The following RUNX1 variants were observed in gnomAD, a reference collection of about 807,000 sequenced individuals.
RUNX1 encodes RUNX family transcription factor 1.
In RUNX1, 19 loss-of-function variants were observed where a neutral mutation model predicts 42.8. The observed-to-expected ratio is 0.44, with a 90% CI of 0.31 to 0.65. RUNX1 has a LOEUF of 0.65. Among genes scored for constraint, RUNX1 ranks in the 30% least tolerant of loss-of-function variants. The pLI is 0.07. For synonymous variants in RUNX1, 271 were observed against 289.4 expected (o/e 0.94, Z 0.64); for missense variants, 528 against 672.0 (o/e 0.79, Z 2.37).
chr21:34,955,043 C>T (rs1302541339), intron 2 of RUNX1, among the ~76,000 whole-genome samples: 3 of 152,092 alleles, frequency 2.0e-5, no homozygotes. Context: ...ACTTCTTCAG[C>T]CCCAGATTTT....
At chr21:34,917,364 C>G (rs952759138) in intron 2 of RUNX1, among the ~76,000 whole-genome samples, 5 of 152,158 alleles carry the variant, frequency 3.3e-5, no homozygotes, top group Admixed American at 3.3e-4. Flanking sequence ...GGCACAGATG[C>G]AGATGTCCAG....
At chr21:34,948,798 T>G (rs2058584903) in intron 2 of RUNX1, among the ~76,000 whole-genome samples, 1 of 151,950 alleles carries the variant, frequency 6.6e-6, no homozygotes, top group Non-Finnish European at 1.5e-5. Flanking sequence ...CAGGCTAGAG[T>G]GCAGTGGCGC....
chr21:34,865,532 TACTA>T (rs1222406121), intron 5 of RUNX1, among the ~76,000 whole-genome samples: 1 of 152,124 alleles, frequency 6.6e-6, no homozygotes, highest in Admixed American at 6.5e-5. Flanking sequence ...CAGGGCAAAA[TACTA>T]ACTGCTTTAT....
At chr21:35,027,465 T>C (rs2834738) in intron 2 of RUNX1, among the ~76,000 whole-genome samples, 44,788 of 152,138 alleles carry the variant, frequency 0.29, 7,182 homozygotes, top group Non-Finnish European at 0.37. Flanking sequence ...GACAGTCTGC[T>C]TTAGAGTAAA....
At chr21:34,859,420 C>T (rs2146233234) in intron 6 of RUNX1, 54 bp downstream of exon 6, 1 of 1,267,560 alleles carries the variant, frequency 7.9e-7, no homozygotes, top group South Asian at 1.2e-5. Flanking sequence ...AGTATACCAG[C>T]CTGGAGGGTG....
In RUNX1 at chr21:34,792,818, A is replaced by G. The variant is rs1338464018; in HGVS notation, c.968-208T>C. On this transcript the variant is annotated intron_variant, in intron 8 of 8. Transcript: ENST00000675419. This position sits in a 1 kb window ranked among gnomAD's most constrained non-coding sequence, Gnocchi z 6.9. The stretch of plus-strand genomic sequence containing the variant: ...TACCCAGGATGCTATACCCAGGGGG[A>G]CAGGGACCACCCAGGATGCCACCTC... 6.7e-6 allele frequency among the ~76,000 whole-genome samples: 1 copy of G among 150,178 alleles called. No homozygotes were observed. The highest frequency in any genetic ancestry group is 2.1e-4 in the South Asian group (1 of 4,750).
Position 34,968,857 on chromosome 21 carries a change from G to A in RUNX1, c.59-75894C>T, listed in dbSNP as rs375142384. The stretch of plus-strand genomic sequence containing the variant: ...TCTGAACTTTTCTGAACTCTGCAGC[G>A]AGTGCCAAATTCATGTATTTTAGGA... On this transcript the variant is annotated intron_variant, in intron 2 of 8. Coordinates refer to ENST00000675419, the MANE Select transcript of RUNX1 (RefSeq NM_001754.5). 6.6e-5 allele frequency among the ~76,000 whole-genome samples: 10 copies of A among 152,096 alleles called. No individual in the cohort carries two copies. In the East Asian group the frequency reaches 9.6e-4, roughly 15 times the overall value.
chr21:34,792,558 G>C lies in RUNX1; in HGVS notation c.1020C>G (p.Pro340=), dbSNP rs1601333675. The C allele has an allele frequency of 6.2e-7, 1 of 1,606,594 alleles. No homozygotes were observed. The highest frequency in any genetic ancestry group is 8.5e-7 in the Non-Finnish European group (1 of 1,176,810). ...FSDPRQFPAL[P]SISDPRMHYP... is the part of the protein sequence containing the mutation. ...AGTGCATGCGGGGGTCGGAGATGGA[G>C]GGCAGCGCGGGGAACTGGCGCGGGT... is the stretch of plus-strand genomic sequence containing the variant. The change falls in exon 9 of 9, where the codon CCC becomes CCG. Residue 340 remains proline (P), a synonymous_variant. Transcript: ENST00000675419. This position sits in a 1 kb window ranked among gnomAD's most constrained non-coding sequence, Gnocchi z 6.9.
chr21:34,927,393 T>G (rs960360519), intron 2 of RUNX1, among the ~76,000 whole-genome samples: 3 of 152,150 alleles, frequency 2.0e-5, no homozygotes, highest in African/African-American at 7.2e-5. Context: ...GGATTTCTCA[T>G]TTGCGGACTC....
At chr21:34,944,639 C>T (rs1331789858) in intron 2 of RUNX1, among the ~76,000 whole-genome samples, 1 of 152,154 alleles carries the variant, frequency 6.6e-6, no homozygotes, top group Admixed American at 6.5e-5. Context: ...GAGAGCCTGT[C>T]GTCTCCTCTT....
chr21:34,792,034 CA>C lies in RUNX1; in HGVS notation c.*100del. ...TCGGCCCCAGGACGGTGGCCGGGCC[CA>C]GGGCCCGGGATCCCGGCGGGCTTGT... On this transcript the variant is annotated 3_prime_UTR_variant, in exon 9 of 9. Transcript: ENST00000675419. This position sits in a 1 kb window ranked among gnomAD's most constrained non-coding sequence, Gnocchi z 6.9. 1.3e-6 allele frequency: 1 copy of C among 762,932 alleles called. No individual in the cohort carries two copies. The allele number at this position is 762,932 out of a possible 1,614,324, so 47.3% of individuals were successfully genotyped here.
chr21:34,819,873 G>T (rs550737953), intron 7 of RUNX1, among the ~76,000 whole-genome samples: 1 of 152,208 alleles, frequency 6.6e-6, no homozygotes, highest in Admixed American at 6.5e-5. Context: ...CTTCTGGCCC[G>T]CCAGCCCAAG....
intron 7 of RUNX1, among the ~76,000 whole-genome samples, chr21:34,803,085 GT>G (rs1271736269): frequency 6.6e-6 from 1 of 152,172 alleles, no homozygotes; most frequent in Non-Finnish European, 1.5e-5. Flanking sequence ...AAGTAATAGT[GT>G]TTTGTTCACA....
chr21:34,840,220 T>C (rs1198294326), intron 6 of RUNX1, among the ~76,000 whole-genome samples: 1 of 152,212 alleles, frequency 6.6e-6, no homozygotes, highest in East Asian at 1.9e-4. Flanking sequence ...ATGGAACCTT[T>C]ATTCCGTTCC....
In RUNX1 at chr21:34,834,509, T is replaced by C. The variant is rs200430800; in HGVS notation, c.706A>G (p.Met236Val). Residue 236 changes from methionine (M) to valine (V), a missense_variant, in exon 7 of 9, where the codon ATG becomes GTG. Physicochemically the swap from Met to Val is conservative, Grantham distance 21. This residue lies in a region of RUNX1 where 331 missense variants were observed against 382.5 expected (regional missense o/e 0.87). Transcript: ENST00000675419. ...GCTGGGTGGTGTGGGCTGACCCTCATGGCTGTGCGCCGCAGCTGCTCCAGT... is the reference window on the plus strand; with the variant it reads ...GCTGGGTGGTGTGGGCTGACCCTCACGGCTGTGCGCCGCAGCTGCTCCAGT... ...SELEQLRRTA[M>V]RVSPHHPAPT... is the part of the protein sequence containing the mutation. 5.6e-5 allele frequency: 90 copies of C among 1,613,150 alleles called. No homozygotes were observed. The highest frequency in any genetic ancestry group is 1.7e-5 in the Admixed American group (1 of 59,926).
In RUNX1 at chr21:34,955,886, A is replaced by G. The variant is rs921861303; in HGVS notation, c.59-62923T>C. ...GGGAACATTTGGTTGCTTTTCCGGA[A>G]TAGGCAAGAAGTCAACTGCACTTCA... On this transcript the variant is annotated intron_variant, in intron 2 of 8. Coordinates refer to ENST00000675419, the MANE Select transcript of RUNX1 (RefSeq NM_001754.5). Among the ~76,000 whole-genome samples, 7 of 152,348 alleles carry G rather than the reference A, an allele frequency of 4.6e-5. 1 individual carries two copies. The South Asian group carries it at 1.4e-3, about 32-fold the overall frequency.
At chr21:34,848,187 G>A (rs2057344269) in intron 6 of RUNX1, among the ~76,000 whole-genome samples, 1 of 152,216 alleles carries the variant, frequency 6.6e-6, no homozygotes, top group South Asian at 2.1e-4. Context: ...TTATACCCAA[G>A]GAGGCTGAGG....
chr21:34,868,938 C>A (rs1379610990), intron 5 of RUNX1, among the ~76,000 whole-genome samples: 9 of 152,172 alleles, frequency 5.9e-5, no homozygotes, highest in Admixed American at 5.9e-4. Flanking sequence ...GGAATAGGTA[C>A]TATATTTCCA....
intron 6 of RUNX1, among the ~76,000 whole-genome samples, chr21:34,840,351 G>T (rs2057215375): frequency 6.6e-6 from 1 of 152,174 alleles, no homozygotes; most frequent in Non-Finnish European, 1.5e-5. Flanking sequence ...GCTAGAGTAG[G>T]CGTTAAGAAT....
Sources: gnomAD v4.1 joint callset for allele counts (sites outside exome capture counted in the v4.1 genomes callset) on GRCh38, gnomAD v4.1.1 for gene constraint, gnomAD v4.1.1 regional missense constraint, Gnocchi (gnomAD v3.1) non-coding constraint, MANE v1.5 for transcripts, NCBI Gene and HGNC (gene_info 2026-07-23, HGNC 2026-07-21) for gene names.